Variants in FNDC11 observed in about 807,000 individuals in gnomAD.
The protein encoded by FNDC11 is fibronectin type III domain containing 11.
In FNDC11, 15 loss-of-function variants were observed where a neutral mutation model predicts 15.8. The observed-to-expected ratio is 0.95, with a 90% CI of 0.63 to 1.46. The LOEUF is 1.46. Ranked by LOEUF, FNDC11 falls within the 40% of genes most tolerant of loss-of-function variation. FNDC11 has a pLI of 0.00. For synonymous variants in FNDC11, 190 were observed against 203.1 expected (o/e 0.94, Z 0.55); for missense variants, 416 against 443.4 (o/e 0.94, Z 0.55).
In FNDC11 at chr20:63,555,935, A is replaced by G. The variant is rs1312345734; in HGVS notation, c.272A>G (p.Asn91Ser). ...LPKHLALGDQ[N>S]PLVLPSALFQ... ...AAGCACCTGGCCCTGGGCGACCAGA[A>G]CCCGCTGGTGCTGCCTAGCGCCTTG... The change falls in exon 2 of 2, where the codon AAC (asparagine) becomes AGC (serine). Residue 91 changes from asparagine to serine, a missense_variant. By Grantham distance (46) the Asn-to-Ser change is conservative. Coordinates refer to ENST00000370097, the MANE Select transcript of FNDC11 (RefSeq NM_001319152.2). 2.5e-6 allele frequency: 4 copies of G among 1,604,690 alleles called. No homozygotes were observed. Among genetic ancestry groups the G allele is most frequent in the African/African-American group, 1.3e-5 (1 of 74,932 alleles).
Position 63,555,715 on chromosome 20 carries a change from C to T in FNDC11, c.52C>T (p.Pro18Ser), listed in dbSNP as rs1431311799. 1 of 1,612,818 alleles carries T rather than the reference C, an allele frequency of 6.2e-7. No individual in the cohort carries two copies. Among genetic ancestry groups the T allele is most frequent in the African/African-American group, 1.3e-5 (1 of 74,940 alleles). The change falls in exon 2 of 2, where the codon CCC (proline) becomes TCC (serine). Residue 18 changes from proline to serine, a missense_variant. Physicochemically the swap from Pro to Ser is moderately conservative, Grantham distance 74. Transcript: ENST00000370097. The stretch of plus-strand genomic sequence containing the variant: ...CCTGGACAAGATGAAGCTGGGCAAT[C>T]CCCAGTCCTTCCTGGACCAGGAGGA... ...LGLDKMKLGN[P>S]QSFLDQEEAD...
At chr20:63,553,332 G>T (rs6090455), upstream of FNDC11, among the ~76,000 whole-genome samples, 3 of 152,192 alleles carry the variant, frequency 2.0e-5, no homozygotes, top group Non-Finnish European at 4.4e-5. Context: ...CCAGGTGGAA[G>T]GAGCCCATGG....
At chr20:63,553,703 G>A (rs1050581802), upstream of FNDC11, 3 of 154,272 alleles carry the variant, frequency 1.9e-5, no homozygotes, top group African/African-American at 4.8e-5. Flanking sequence ...AATGGGCGGG[G>A]CCTTGCTGGG....
intron 1 of FNDC11, chr20:63,555,032 G>C (rs1047457858): frequency 6.6e-6 from 1 of 152,650 alleles, no homozygotes; most frequent in African/African-American, 2.4e-5. Context: ...AGTGTCACTT[G>C]TGGAGTCCAT....
At chr20:63,555,249 C>T (rs763304631) in intron 1 of FNDC11, 1 of 182,676 alleles carries the variant, frequency 5.5e-6, no homozygotes, top group East Asian at 1.4e-4. Flanking sequence ...GGATGGCCCG[C>T]GAATGTCCCC....
At chr20:63,555,441 T>A (rs1160261805) in intron 1 of FNDC11, 1 of 690,064 alleles carries the variant, frequency 1.4e-6, no homozygotes, top group Non-Finnish European at 2.3e-6. Context: ...GGCCACTGGT[T>A]GTCAGTAGAG....
upstream of FNDC11, among the ~76,000 whole-genome samples, chr20:63,553,519 G>A (rs1216196815): frequency 6.8e-6 from 1 of 146,200 alleles, no homozygotes; most frequent in African/African-American, 2.5e-5. Context: ...CCTGCTCTGG[G>A]AGGAGCCTGT....
In FNDC11 at chr20:63,556,219, C is replaced by T; in HGVS notation, c.556C>T (p.His186Tyr). 6.3e-7 allele frequency: 1 copy of T among 1,594,858 alleles called. No homozygotes were observed. Among genetic ancestry groups the T allele is most frequent in the Non-Finnish European group, 8.6e-7 (1 of 1,167,184 alleles). Residue 186 changes from histidine (H) to tyrosine (Y), a missense_variant, in exon 2 of 2, where the codon CAC becomes TAC. Physicochemically the swap from His to Tyr is moderately conservative, Grantham distance 83 (BLOSUM62 2). Transcript: ENST00000370097. ...GGTGCCGGGGCGGCTACACGTCAAG[C>T]ACCGCCTGGTGTCTGATGTCAGTGC... is the stretch of plus-strand genomic sequence containing the variant. Reference protein sequence around the residue: ...MMVPGRLHVKHRLVSDVSATK... With the variant: ...MMVPGRLHVKYRLVSDVSATK...
chr20:63,553,841 T>G (rs1378924037), upstream of FNDC11: 1 of 151,932 alleles, frequency 6.6e-6, no homozygotes, highest in Non-Finnish European at 1.5e-5. Flanking sequence ...GCGCTCGGAC[T>G]GGGGGGTTGA....
chr20:63,556,100 C>T lies in FNDC11; in HGVS notation c.437C>T (p.Ser146Leu), dbSNP rs149842499. 8.1e-6 allele frequency: 13 copies of T among 1,595,382 alleles called. No homozygotes were observed. Among genetic ancestry groups the T allele is most frequent in the Middle Eastern group, 1.6e-4 (1 of 6,072 alleles). The change falls in exon 2 of 2, where the codon TCG (serine) becomes TTG (leucine). Residue 146 changes from serine to leucine, a missense_variant. Ser to Leu is a moderately radical substitution (Grantham distance 145, BLOSUM62 -2). Coordinates refer to ENST00000370097, the MANE Select transcript of FNDC11 (RefSeq NM_001319152.2). The stretch of plus-strand genomic sequence containing the variant: ...GCTGAGCTGGATGCCCTGCTCCGGT[C>T]GCCAGACCCACGGCCCTTCCTGGCC... ...GRAELDALLRSPDPRPFLADW... is the reference protein window; with the variant it reads ...GRAELDALLRLPDPRPFLADW...
upstream of FNDC11, among the ~76,000 whole-genome samples, chr20:63,553,446 GC>G (rs1353688908): frequency 6.9e-6 from 1 of 144,634 alleles, no homozygotes; most frequent in African/African-American, 2.6e-5. Flanking sequence ...GCTGGGAGGA[GC>G]CTGTGGTGGG....
rs150421391 is a variant in FNDC11, at chr20:63,555,821, C to A, written c.158C>A (p.Thr53Asn). Residue 53 changes from threonine (T) to asparagine (N), a missense_variant, in exon 2 of 2, where the codon ACC becomes AAC. Physicochemically the swap from Thr to Asn is moderately conservative, Grantham distance 65. Transcript: ENST00000370097. ...CGCAATGCCCTGCGTGAGTTCCTGA[C>A]CTCGGACCTGAGTCCGCACCTGCTC... The part of the protein sequence containing the change: ...ERRNALREFL[T>N]SDLSPHLLKR... 9.3e-6 allele frequency: 15 copies of A among 1,613,476 alleles called. No individual in the cohort carries two copies. The African/African-American group carries it at 2.0e-4, about 22-fold the overall frequency.
rs754369009 is a variant in FNDC11 at position 63,556,506 on chromosome 20, C to T, written c.843C>T (p.Phe281=). Residue 281 remains phenylalanine (F), a synonymous_variant, in exon 2 of 2, where the codon TTC becomes TTT. Transcript: ENST00000370097. The part of the protein sequence containing the change: ...RNLLPNRSYK[F]TIKRAETSTL... ...TGCTGCCCAACCGATCCTATAAGTT[C>T]ACCATCAAGAGGGCCGAGACCTCCA... 5.0e-6 allele frequency: 8 copies of T among 1,606,672 alleles called. No individual in the cohort carries two copies. In the South Asian group the frequency reaches 5.5e-5, roughly 11 times the overall value.
rs2082806942 is a variant in FNDC11 at position 63,556,005 on chromosome 20, G to A, written c.342G>A (p.Val114=). The part of the protein sequence containing the change: ...DPWKFQRMKK[V]GTAQTKIQLL... ...GGAAGTTCCAGCGCATGAAGAAGGT[G>A]GGCACAGCTCAGACCAAGATCCAGC... The change falls in exon 2 of 2, where the codon GTG becomes GTA. Residue 114 remains valine, a synonymous_variant. Coordinates refer to ENST00000370097, the MANE Select transcript of FNDC11 (RefSeq NM_001319152.2). 2 of 1,600,326 alleles carry A rather than the reference G, an allele frequency of 1.2e-6. No homozygotes were observed. Among genetic ancestry groups the A allele is most frequent in the African/African-American group, 1.3e-5 (1 of 75,072 alleles).
Position 63,555,744 on chromosome 20 carries a change from A to G in FNDC11, c.81A>G (p.Ala27=), listed in dbSNP as rs760249867. 17 of 1,613,146 alleles carry G rather than the reference A, an allele frequency of 1.1e-5. No homozygotes were observed. The South Asian group carries it at 1.1e-4, about 10-fold the overall frequency. The change falls in exon 2 of 2, where the codon GCA becomes GCG. Residue 27 remains alanine (A), a synonymous_variant. Transcript: ENST00000370097. ...AGTCCTTCCTGGACCAGGAGGAGGC[A>G]GATGACCAGCAGCTGCTGGAACCAG... ...NPQSFLDQEE[A]DDQQLLEPEA...
Position 63,555,899 on chromosome 20 carries a change from A to T in FNDC11, c.236A>T (p.Glu79Val). 2 of 1,609,608 alleles carry T rather than the reference A, an allele frequency of 1.2e-6. No homozygotes were observed. Among genetic ancestry groups the T allele is most frequent in the Non-Finnish European group, 1.7e-6 (2 of 1,179,904 alleles). Residue 79 changes from glutamate (E) to valine (V), a missense_variant, in exon 2 of 2, where the codon GAG becomes GTG. Glu to Val is a moderately radical substitution (Grantham distance 121). Coordinates refer to ENST00000370097, the MANE Select transcript of FNDC11 (RefSeq NM_001319152.2). Reference sequence around the variant, plus strand: ...CTGCGTAAGTGCTCCTACTACATCGAGGTCCTGCCCAAGCACCTGGCCCTG... The same window carrying T: ...CTGCGTAAGTGCTCCTACTACATCGTGGTCCTGCCCAAGCACCTGGCCCTG... ...QLLRKCSYYI[E>V]VLPKHLALGD...
upstream of FNDC11, among the ~76,000 whole-genome samples, chr20:63,553,270 T>C (rs1042668879): frequency 6.6e-6 from 1 of 152,266 alleles, no homozygotes; most frequent in East Asian, 1.9e-4. Context: ...TCCCTGGAGC[T>C]ATGGAGACCC....
rs1378566238 is a variant in FNDC11, at chr20:63,554,218, C to A, written c.-11+12C>A. 1 of 151,986 alleles carries A rather than the reference C, an allele frequency of 6.6e-6. No individual in the cohort carries two copies. Among genetic ancestry groups the A allele is most frequent in the African/African-American group, 2.4e-5 (1 of 41,224 alleles). The allele number at this position is 151,986 out of a possible 1,614,324, so 9.4% of individuals were successfully genotyped here. A position where few individuals can be genotyped will look rare whatever the true frequency, so the allele number is the denominator to read the frequency against. The stretch of plus-strand genomic sequence containing the variant: ...GCTTCAGAGGCAGGGCAAGTGGGCG[C>A]GGTCCTGGGGCGGCGGCGGGGGCCG... On this transcript the variant is annotated intron_variant, in intron 1 of 1. Coordinates refer to ENST00000370097, the MANE Select transcript of FNDC11 (RefSeq NM_001319152.2).
Position 63,556,159 on chromosome 20 carries a change from G to A in FNDC11, c.496G>A (p.Val166Met), listed in dbSNP as rs761023676. The A allele has an allele frequency of 1.8e-5, 28 of 1,594,574 alleles. No homozygotes were observed. Among genetic ancestry groups the A allele is most frequent in the East Asian group, 6.7e-5 (3 of 44,636 alleles). Reference sequence around the variant, plus strand: ...GCTGGTGGAGCGGCGGCTGGCGGACGTGTCGGCCGTCATGGACAGCTTCCT... The same window carrying A: ...GCTGGTGGAGCGGCGGCTGGCGGACATGTCGGCCGTCATGGACAGCTTCCT... The part of the protein sequence containing the change: ...WALVERRLAD[V>M]SAVMDSFLTM... The change falls in exon 2 of 2, where the codon GTG becomes ATG. Residue 166 changes from valine to methionine, a missense_variant. Val to Met is a conservative substitution (Grantham distance 21, BLOSUM62 1). Coordinates refer to ENST00000370097, the MANE Select transcript of FNDC11 (RefSeq NM_001319152.2).
Sources: gnomAD v4.1 joint callset for allele counts (sites outside exome capture counted in the v4.1 genomes callset) on GRCh38, gnomAD v4.1.1 for gene constraint, MANE v1.5 for transcripts, NCBI Gene and HGNC (gene_info 2026-07-23, HGNC 2026-07-21) for gene names.